ZC2HC1A: variants seen among roughly 807,000 people sequenced by gnomAD.
The protein encoded by ZC2HC1A is zinc finger C2HC domain-containing protein 1A.
In ZC2HC1A, 28 loss-of-function variants were observed where a neutral mutation model predicts 40.7. The ratio of observed to expected loss-of-function variants is 0.69; its 90% CI spans 0.51 to 0.94. The LOEUF is 0.94. Ranked by LOEUF, ZC2HC1A falls within the 40% of genes least tolerant of loss-of-function variation. ZC2HC1A has a pLI of 0.00. For synonymous variants in ZC2HC1A, 129 were observed against 129.2 expected (o/e 1.00, Z 0.01); for missense variants, 389 against 386.3 (o/e 1.01, Z -0.06).
intron 3 of ZC2HC1A, among the ~76,000 whole-genome samples, chr8:78,680,024 A>G (rs1247935596): frequency 2.0e-5 from 3 of 152,088 alleles, no homozygotes; most frequent in Non-Finnish European, 4.4e-5. Flanking sequence ...TTTAACTTTC[A>G]CTTTGCTACA....
At chr8:78,680,818 T>C (rs1055404010) in intron 3 of ZC2HC1A, among the ~76,000 whole-genome samples, 13 of 152,188 alleles carry the variant, frequency 8.5e-5, no homozygotes, top group African/African-American at 3.1e-4. Context: ...AAGTGATTCC[T>C]TAAAGGTGAG....
rs772358636 is a variant in ZC2HC1A, at chr8:78,689,416, C to T, written c.504+43C>T. On this transcript the variant is annotated intron_variant, in intron 5 of 8. Coordinates refer to ENST00000263849, the MANE Select transcript of ZC2HC1A (RefSeq NM_016010.3). ...AATTGCTATAAACGAGAAAATGGCT[C>T]ATGGACATTCATAGATTATTGTTTA... 8.0e-6 allele frequency: 12 copies of T among 1,493,376 alleles called. No individual in the cohort carries two copies. The East Asian group carries it at 1.7e-4, about 21-fold the overall frequency. 92.5% of individuals were successfully genotyped at this position (1,493,376 alleles called of 1,614,324 possible). A position where few individuals can be genotyped will look rare whatever the true frequency, so the allele number is the denominator to read the frequency against.
At chr8:78,684,341 A>G (rs1809885374) in intron 3 of ZC2HC1A, among the ~76,000 whole-genome samples, 1 of 152,236 alleles carries the variant, frequency 6.6e-6, no homozygotes, top group Non-Finnish European at 1.5e-5. Context: ...CACATCTTAC[A>G]TGATGGCAGG....
intron 1 of ZC2HC1A, among the ~76,000 whole-genome samples, chr8:78,672,369 T>G (rs915210942): frequency 2.6e-5 from 4 of 152,150 alleles, no homozygotes; most frequent in Non-Finnish European, 4.4e-5. Flanking sequence ...AATCTTAATA[T>G]AAGTATCATA....
intron 1 of ZC2HC1A, among the ~76,000 whole-genome samples, 178 bp downstream of exon 1, chr8:78,666,342 C>T (rs1010094653): frequency 7.2e-5 from 11 of 152,222 alleles, no homozygotes; most frequent in Admixed American, 3.9e-4. Context: ...TGCGGTGGAG[C>T]TAACGCTACC....
intron 7 of ZC2HC1A, among the ~76,000 whole-genome samples, chr8:78,706,693 A>G (rs1304933442): frequency 6.6e-6 from 1 of 151,558 alleles, no homozygotes; most frequent in African/African-American, 2.4e-5. Context: ...TGCTGTATTT[A>G]CTCACCCCTT....
chr8:78,672,008 T>G (rs1809447979), intron 1 of ZC2HC1A, among the ~76,000 whole-genome samples: 1 of 152,164 alleles, frequency 6.6e-6, no homozygotes, highest in Admixed American at 6.5e-5. Context: ...TAAGGAAATC[T>G]AAACCTTAGA....
intron 3 of ZC2HC1A, among the ~76,000 whole-genome samples, chr8:78,681,831 T>C (rs773077040): frequency 1.3e-5 from 2 of 152,026 alleles, no homozygotes; most frequent in Non-Finnish European, 2.9e-5. Context: ...AATATCTTCT[T>C]GTCTTTTTCA....
intron 1 of ZC2HC1A, among the ~76,000 whole-genome samples, chr8:78,673,024 C>G (rs1275958300): frequency 6.6e-6 from 1 of 151,886 alleles, no homozygotes; most frequent in Non-Finnish European, 1.5e-5. Context: ...GTTTTAAGCC[C>G]CACATGCATT....
chr8:78,686,371 AT>A, intron 3 of ZC2HC1A, 95 bp from the exon 4 acceptor site: 1 of 1,047,946 alleles, frequency 9.5e-7, no homozygotes, highest in Non-Finnish European at 1.2e-6. Flanking sequence ...ATAAGAGAAC[AT>A]TTAAAATGAT....
In ZC2HC1A at chr8:78,716,280, G is replaced by A. The variant is rs537413019; in HGVS notation, c.812+952G>A. ...TGGGACTACAGGCGCCCGCCACCAC[G>A]CCTGGCTAATTTTTTTGTATTTTTA... On this transcript the variant is annotated intron_variant, in intron 8 of 8. Transcript: ENST00000263849. 6.0e-5 allele frequency among the ~76,000 whole-genome samples: 9 copies of A among 151,116 alleles called. 1 individual carries two copies. The highest frequency in any genetic ancestry group is 9.7e-5 in the African/African-American group (4 of 41,288).
At chr8:78,675,522 A>T (rs1275894637) in intron 1 of ZC2HC1A, among the ~76,000 whole-genome samples, 1 of 151,994 alleles carries the variant, frequency 6.6e-6, no homozygotes, top group East Asian at 1.9e-4. Flanking sequence ...GCTTAAAATA[A>T]TTACAAGAAA....
intron 1 of ZC2HC1A, among the ~76,000 whole-genome samples, chr8:78,671,290 G>A (rs941188437): frequency 6.6e-6 from 1 of 152,190 alleles, no homozygotes; most frequent in African/African-American, 2.4e-5. Context: ...AGAATCAACA[G>A]TGTGTGCCAG....
At chr8:78,690,412 T>C (rs936717262) in intron 5 of ZC2HC1A, among the ~76,000 whole-genome samples, 2 of 151,992 alleles carry the variant, frequency 1.3e-5, no homozygotes, top group Non-Finnish European at 1.5e-5. Context: ...TACAAAAAAT[T>C]AGCTGGACGT....
chr8:78,697,428 A>C lies in ZC2HC1A; in HGVS notation c.526A>C (p.Lys176Gln), dbSNP rs1262738102. Residue 176 changes from lysine (K) to glutamine (Q), a missense_variant, in exon 6 of 9, where the codon AAG becomes CAG. Lys to Gln is a moderately conservative substitution (Grantham distance 53). Coordinates refer to ENST00000263849, the MANE Select transcript of ZC2HC1A (RefSeq NM_016010.3). ...TQVYKPPALK[K>Q]SNSPGTASSG... ...TTAGTATAAGCCACCCGCACTTAAA[A>C]AGTCAAATTCTCCTGGAACTGCATC... 6 of 1,601,388 alleles carry C rather than the reference A, an allele frequency of 3.7e-6. No homozygotes were observed. The highest frequency in any genetic ancestry group is 5.1e-6 in the Non-Finnish European group (6 of 1,176,386).
At chr8:78,711,611 GTT>G (rs2130603610) in intron 7 of ZC2HC1A, among the ~76,000 whole-genome samples, 1 of 152,154 alleles carries the variant, frequency 6.6e-6, no homozygotes, top group Non-Finnish European at 1.5e-5. Context: ...AGTAGAGAAA[GTT>G]TCCATGAATT....
chr8:78,677,387 A>G (rs1809614443), intron 2 of ZC2HC1A, among the ~76,000 whole-genome samples: 1 of 152,104 alleles, frequency 6.6e-6, no homozygotes, highest in Non-Finnish European at 1.5e-5. Context: ...GTAGAACACT[A>G]GATAAGCTCA....
rs538612144 is a variant in ZC2HC1A, at chr8:78,684,117, A to G, written c.211-2350A>G. Among the ~76,000 whole-genome samples the G allele has an allele frequency of 3.9e-5, 6 of 152,286 alleles. No individual in the cohort carries two copies. In the South Asian group the frequency reaches 1.2e-3, roughly 32 times the overall value. On this transcript the variant is annotated intron_variant, in intron 3 of 8. Transcript: ENST00000263849. ...CAAACTGTTTCAGCCTCTGCTCGTTACCCAGTTCCAAAGTTGCTTACACAT... is the reference window on the plus strand; with the variant it reads ...CAAACTGTTTCAGCCTCTGCTCGTTGCCCAGTTCCAAAGTTGCTTACACAT...
At chr8:78,706,124 A>T (rs1234701750) in intron 7 of ZC2HC1A, among the ~76,000 whole-genome samples, 1 of 152,142 alleles carries the variant, frequency 6.6e-6, no homozygotes, top group Non-Finnish European at 1.5e-5. Context: ...GAGTCACCCA[A>T]ACAGCAAAGA....
Sources: allele counts gnomAD v4.1 joint callset (sites outside exome capture counted in the v4.1 genomes callset), GRCh38; gene constraint gnomAD v4.1.1; transcripts MANE v1.5; gene names NCBI Gene and HGNC (gene_info 2026-07-23, HGNC 2026-07-21).